PAX3: variants seen among roughly 807,000 people sequenced by gnomAD.
PAX3 encodes the protein paired box 3, also known as paired box protein Pax-3.
Under a neutral mutation model 51.6 loss-of-function variants are expected in PAX3, and 14 were observed. That is an observed-to-expected ratio of 0.27 (90% CI 0.18 to 0.42). The LOEUF (loss-of-function observed/expected upper bound fraction) is 0.42, where lower values mean the gene tolerates loss of function less well. Ranked by LOEUF, PAX3 falls within the 10% of genes least tolerant of loss-of-function variation. The pLI is 1.00. For missense variants in PAX3, 540 were observed against 642.8 expected (o/e 0.84, Z 1.73); for synonymous variants, 280 against 253.4 (o/e 1.11, Z -1.00).
rs752483694 is a variant in PAX3, at chr2:222,220,131, G to A, written c.1173+9C>T. The A allele has an allele frequency of 6.2e-6, 10 of 1,611,196 alleles. No individual in the cohort carries two copies. The highest frequency in any genetic ancestry group is 4.5e-5 in the East Asian group (2 of 44,750). Reference sequence around the variant, plus strand: ...CAGCAAATCGTCTGTCTAGAAACACGGGACTGACCTGAGGTGAGAGGCCAT... The same window carrying A: ...CAGCAAATCGTCTGTCTAGAAACACAGGACTGACCTGAGGTGAGAGGCCAT... On this transcript the variant is annotated intron_variant, in intron 7 of 8. Transcript: ENST00000392070.
At chr2:222,289,166 C>G (rs1453079427) in intron 4 of PAX3, among the ~76,000 whole-genome samples, 2 of 152,206 alleles carry the variant, frequency 1.3e-5, no homozygotes, top group Non-Finnish European at 2.9e-5. Flanking sequence ...TATTTACCCT[C>G]ATAGATAAGT....
intron 5 of PAX3, among the ~76,000 whole-genome samples, chr2:222,227,423 G>A (rs928780189): frequency 3.9e-5 from 6 of 151,950 alleles, no homozygotes; most frequent in Admixed American, 6.6e-5. Context: ...TGGTGAAACC[G>A]CATCTCTACA....
At chr2:222,294,446 C>T in intron 3 of PAX3, 145 bp from the exon 4 acceptor site, 1 of 801,780 alleles carries the variant, frequency 1.2e-6, no homozygotes, top group African/African-American at 1.7e-5. Flanking sequence ...CCTCCTGCAT[C>T]TCTGGACATC....
intron 1 of PAX3, chr2:222,298,134 A>T (rs1695404448): frequency 4.3e-6 from 1 of 234,994 alleles, no homozygotes; most frequent in South Asian, 9.0e-5. Context: ...TCCTGAACTA[A>T]CATATGTTTC....
At chr2:222,274,565 G>A (rs1005577904) in intron 4 of PAX3, among the ~76,000 whole-genome samples, 1 of 151,538 alleles carries the variant, frequency 6.6e-6, no homozygotes, top group Non-Finnish European at 1.5e-5. Context: ...TGCTACTTTA[G>A]AGTGGAAATG....
At chr2:222,274,245 A>G (rs1270093436) in intron 4 of PAX3, among the ~76,000 whole-genome samples, 1 of 152,180 alleles carries the variant, frequency 6.6e-6, no homozygotes, top group Non-Finnish European at 1.5e-5. Flanking sequence ...AGTAATTTTG[A>G]CAAACTATAT....
At chr2:222,268,598 C>T (rs1694139590) in intron 4 of PAX3, among the ~76,000 whole-genome samples, 3 of 152,186 alleles carry the variant, frequency 2.0e-5, no homozygotes. Context: ...AGTTTCCTAC[C>T]TCACTCTGAA....
chr2:222,238,717 G>A (rs1179645222), intron 4 of PAX3, among the ~76,000 whole-genome samples: 1 of 152,122 alleles, frequency 6.6e-6, no homozygotes. Context: ...AGCTAGATTT[G>A]TGAGCACTTT....
At chr2:222,225,834 CAAGAATTGA>C (rs1692361811) in intron 5 of PAX3, among the ~76,000 whole-genome samples, 1 of 152,092 alleles carries the variant, frequency 6.6e-6, no homozygotes, top group Non-Finnish European at 1.5e-5. Flanking sequence ...CTGAGAAAAC[CAAGAATTGA>C]AGCTCTGTTT....
At chr2:222,203,652 G>A (rs991111225) in intron 7 of PAX3, among the ~76,000 whole-genome samples, 9 of 152,082 alleles carry the variant, frequency 5.9e-5, no homozygotes, top group Admixed American at 2.6e-4. Context: ...GAGGCGGGGG[G>A]CGGGTCTAGT....
At chr2:222,254,429 C>A (rs1171586232) in intron 4 of PAX3, among the ~76,000 whole-genome samples, 1 of 150,728 alleles carries the variant, frequency 6.6e-6, no homozygotes, top group African/African-American at 2.4e-5. Flanking sequence ...TATAAGGTTA[C>A]CCTAAGGGTC....
At chr2:222,281,823 GC>G (rs1197292015) in intron 4 of PAX3, among the ~76,000 whole-genome samples, 1 of 152,170 alleles carries the variant, frequency 6.6e-6, no homozygotes, top group African/African-American at 2.4e-5. Context: ...CTTAATGCAG[GC>G]CTGTTTCCAT....
Position 222,298,771 on chromosome 2 carries a change from G to A in PAX3, c.-156C>T, listed in dbSNP as rs867534042. The A allele has an allele frequency of 1.4e-4, 104 of 719,420 alleles. No individual in the cohort carries two copies. The Middle Eastern group carries it at 1.9e-3, about 13-fold the overall frequency. The allele number at this position is 719,420 out of a possible 1,614,324, so 44.6% of individuals were successfully genotyped here. ...GAGGGACGCGGGGAGGGGGGCTGTC[G>A]GTTCCTAGTCCAGAGGCCGGAGCTG... On this transcript the variant is annotated 5_prime_UTR_variant, in exon 1 of 9. Transcript: ENST00000392070.
At chr2:222,230,197 T>C (rs1186633303) in intron 5 of PAX3, among the ~76,000 whole-genome samples, 2 of 151,880 alleles carry the variant, frequency 1.3e-5, no homozygotes, top group Admixed American at 1.3e-4. Flanking sequence ...AAATTAAATC[T>C]GCCTTCTTCA....
chr2:222,283,048 C>T (rs1694701175), intron 4 of PAX3, among the ~76,000 whole-genome samples: 1 of 152,224 alleles, frequency 6.6e-6, no homozygotes, highest in African/African-American at 2.4e-5. Flanking sequence ...TCCACCAAAG[C>T]TACCAGAATT....
rs963452112 is a variant in PAX3, at chr2:222,294,764, C to CT, written c.452-464_452-463insA. Among the ~76,000 whole-genome samples the CT allele has an allele frequency of 2.4e-4, 29 of 118,380 alleles. No individual in the cohort carries two copies. The Admixed American group carries it at 2.5e-3, about 10-fold the overall frequency. The allele number at this position is 118,380 out of a possible 152,430, so 77.7% of individuals were successfully genotyped here. On this transcript the variant is annotated intron_variant, in intron 3 of 8. Coordinates refer to ENST00000392070, the MANE Select transcript of PAX3 (RefSeq NM_181458.4). ...CCAAAGCCGACTTGTCCGCGCCCCC[C>CT]CCCACCCCCCCGTAAATCAAGTTTC...
chr2:222,221,769 A>G (rs1692203703), intron 5 of PAX3: 3 of 237,494 alleles, frequency 1.3e-5, no homozygotes, highest in South Asian at 1.2e-4. Flanking sequence ...TGCATGACGC[A>G]TGTCCTAAAT....
At chr2:222,288,728 A>G (rs1402001574) in intron 4 of PAX3, among the ~76,000 whole-genome samples, 2 of 152,276 alleles carry the variant, frequency 1.3e-5, no homozygotes, top group African/African-American at 4.8e-5. Flanking sequence ...AAATCACGAT[A>G]GGATAATTAA....
At chr2:222,291,167 C>G (rs993755942) in intron 4 of PAX3, among the ~76,000 whole-genome samples, 7 of 152,174 alleles carry the variant, frequency 4.6e-5, no homozygotes, top group South Asian at 2.1e-4. Context: ...ACAGAGGCGC[C>G]CATTGAGCGG....
Sources: allele counts gnomAD v4.1 joint callset (sites outside exome capture counted in the v4.1 genomes callset), GRCh38; gene constraint gnomAD v4.1.1; transcripts MANE v1.5; gene names NCBI Gene and HGNC (gene_info 2026-07-23, HGNC 2026-07-21).